The following NDRG1 variants were observed in gnomAD, a reference collection of about 807,000 sequenced individuals.
The protein encoded by NDRG1 is N-myc downstream regulated 1.
Under a neutral mutation model 56.9 loss-of-function variants are expected in NDRG1, and 32 were observed. That is an observed-to-expected ratio of 0.56 (90% confidence interval 0.42 to 0.76). The LOEUF is 0.76. Ranked by LOEUF, NDRG1 falls within the 30% of genes least tolerant of loss-of-function variation. The probability of loss-of-function intolerance (pLI) is 0.00; values close to 1 mark genes in which losing one functional copy is unlikely to be tolerated. For synonymous variants in NDRG1, 211 were observed against 204.1 expected (o/e 1.03, Z -0.29); for missense variants, 507 against 545.7 (o/e 0.93, Z 0.71).
rs183016231 is a variant in NDRG1 at position 133,292,215 on chromosome 8, C to T, written c.-19+4919G>A. Among the ~76,000 whole-genome samples the T allele has an allele frequency of 9.9e-5, 15 of 152,260 alleles. No individual in the cohort carries two copies. In the East Asian group the frequency reaches 2.3e-3, roughly 24 times the overall value. ...AGATAATTTGTGGAAATCACACAAA[C>T]GGAGCCAGTGTTAGCAGAGGACGAG... On this transcript the variant is annotated intron_variant, in intron 1 of 15. Transcript: ENST00000323851.
At chr8:133,283,576 A>G (rs1194554081) in intron 2 of NDRG1, among the ~76,000 whole-genome samples, 2 of 152,256 alleles carry the variant, frequency 1.3e-5, no homozygotes, top group Admixed American at 6.5e-5. Flanking sequence ...AGATAATAAT[A>G]GCAAGTGAAA....
chr8:133,287,968 C>T (rs1426101016), intron 1 of NDRG1, among the ~76,000 whole-genome samples: 2 of 152,178 alleles, frequency 1.3e-5, no homozygotes, highest in East Asian at 3.9e-4. Flanking sequence ...CACACACTCT[C>T]AAATGCACTC....
intron 3 of NDRG1, among the ~76,000 whole-genome samples, chr8:133,269,286 CA>C (rs2130757981): frequency 6.6e-6 from 1 of 152,296 alleles, no homozygotes; most frequent in South Asian, 2.1e-4. Context: ...CCAGCTCTTC[CA>C]CAGTTCAGGA....
chr8:133,253,007 G>T (rs552793538), intron 9 of NDRG1, among the ~76,000 whole-genome samples: 1 of 152,356 alleles, frequency 6.6e-6, no homozygotes, highest in East Asian at 1.9e-4. Context: ...GGACTCATGG[G>T]AGTGTCAGAT....
Position 133,238,968 on chromosome 8 carries a change from G to A in NDRG1, c.1095C>T (p.His365=), listed in dbSNP as rs1278753145. ...TGTCCAGGTGGGCCCCCTCGCTGGT[G>A]TGCGAGCGGCTGCGGGTGCCCTCGC... ...HTSEGTRSRS[H]TSEGAHLDIT... is the part of the protein sequence containing the mutation. Residue 365 remains histidine, a synonymous_variant, in exon 16 of 16, where the codon CAC becomes CAT. Coordinates refer to ENST00000323851, the MANE Select transcript of NDRG1 (RefSeq NM_006096.4). 3.8e-6 allele frequency: 6 copies of A among 1,587,774 alleles called. No individual in the cohort carries two copies. Among genetic ancestry groups the A allele is most frequent in the East Asian group, 2.3e-5 (1 of 43,948 alleles).
intron 4 of NDRG1, among the ~76,000 whole-genome samples, chr8:133,263,917 G>GA (rs35761411): frequency 0.53 from 56,958 of 107,838 alleles, 12,514 homozygotes; most frequent in African/African-American, 0.62. Context: ...TTCTGTCTCA[G>GA]AAAAAAAAAA....
intron 3 of NDRG1, among the ~76,000 whole-genome samples, chr8:133,266,336 G>A (rs1856918470): frequency 6.6e-6 from 1 of 152,258 alleles, no homozygotes; most frequent in African/African-American, 2.4e-5. Flanking sequence ...CACTCTAAAT[G>A]CTGTTGAACC....
intron 3 of NDRG1, among the ~76,000 whole-genome samples, chr8:133,278,496 G>C (rs1412471974): frequency 6.6e-6 from 1 of 152,108 alleles, no homozygotes; most frequent in Non-Finnish European, 1.5e-5. Context: ...AGAGAGGAAC[G>C]GGATGGAGCT....
At chr8:133,257,063 G>A (rs1195334265) in intron 7 of NDRG1, among the ~76,000 whole-genome samples, 200 bp from the exon 8 acceptor site, 1 of 152,194 alleles carries the variant, frequency 6.6e-6, no homozygotes. Flanking sequence ...TAGAGAGAGT[G>A]GGAAGGAGAA....
In NDRG1 at chr8:133,259,206, C is replaced by A; in HGVS notation, c.351G>T (p.Gln117His). ...GGACTCCAGGAAGCATTTCAGCCAG[C>A]TGATCCATGGAGGGGTACATGTACC... ...PAGYMYPSMD[Q>H]LAEMLPGVLQ... Residue 117 changes from glutamine to histidine, a missense_variant, in exon 6 of 16, where the codon CAG (glutamine) becomes CAT (histidine). Gln to His is a conservative substitution (Grantham distance 24). Transcript: ENST00000323851. The A allele has an allele frequency of 6.2e-7, 1 of 1,614,216 alleles. No homozygotes were observed. The highest frequency in any genetic ancestry group is 1.3e-5 in the African/African-American group (1 of 75,064).
intron 3 of NDRG1, 38 bp downstream of exon 3, chr8:133,280,194 G>A (rs1237938507): frequency 6.2e-7 from 1 of 1,610,402 alleles, no homozygotes; most frequent in South Asian, 1.1e-5. Context: ...GAGAAGACGG[G>A]ATGAGGAAGG....
chr8:133,282,705 C>T (rs1857880914), intron 2 of NDRG1, among the ~76,000 whole-genome samples: 1 of 152,234 alleles, frequency 6.6e-6, no homozygotes, highest in African/African-American at 2.4e-5. Context: ...ACATTAAGTA[C>T]ATTCACTTGT....
rs187712049 is a variant in NDRG1, at chr8:133,273,855, T to C, written c.99+6377A>G. 8.4e-4 allele frequency among the ~76,000 whole-genome samples: 128 copies of C among 152,262 alleles called. 1 individual carries two copies. The highest frequency in any genetic ancestry group is 3.0e-3 in the African/African-American group (126 of 41,558). ...CAACTGGAGCAGAAGTCTTGGACTC[T>C]AGAATTCTAGCCAAAGAAAATAAGC... On this transcript the variant is annotated intron_variant, in intron 3 of 15. Transcript: ENST00000323851.
At chr8:133,254,689 T>C (rs1856273386) in intron 8 of NDRG1, 94 bp from the exon 9 acceptor site, 8 of 1,252,670 alleles carry the variant, frequency 6.4e-6, no homozygotes, top group Middle Eastern at 1.9e-4. Flanking sequence ...CAGGGTGGCA[T>C]TGCTGGACTC....
At chr8:133,294,293 T>C (rs1858607780) in intron 1 of NDRG1, among the ~76,000 whole-genome samples, 1 of 152,170 alleles carries the variant, frequency 6.6e-6, no homozygotes, top group Admixed American at 6.5e-5. Flanking sequence ...CTCAGTTGCC[T>C]CATCCATTCA....
chr8:133,284,731 GGA>G (rs1464440527), intron 1 of NDRG1: 1 of 460,666 alleles, frequency 2.2e-6, no homozygotes, highest in Non-Finnish European at 4.3e-6. Context: ...CAATGAAAGG[GGA>G]ACACAAGCTC....
intron 3 of NDRG1, among the ~76,000 whole-genome samples, chr8:133,275,395 C>T (rs1315497904): frequency 2.0e-5 from 3 of 152,222 alleles, no homozygotes; most frequent in Non-Finnish European, 4.4e-5. Flanking sequence ...CTGTTAACAG[C>T]TTACAGGAAT....
chr8:133,241,963 G>C (rs1211337269), intron 15 of NDRG1, 60 bp downstream of exon 15: 5 of 1,592,596 alleles, frequency 3.1e-6, no homozygotes, highest in Admixed American at 1.7e-5. Flanking sequence ...GCTCAGGACA[G>C]AGCACTTCCA....
At position 133,254,520 on chromosome 8, in the gene NDRG1, G is replaced by T. The variant is rs762811977; in HGVS notation, c.594+19C>A. 6.2e-7 allele frequency: 1 copy of T among 1,613,910 alleles called. No homozygotes were observed. The highest frequency in any genetic ancestry group is 1.1e-5 in the South Asian group (1 of 91,022). Reference sequence around the variant, plus strand: ...CTTGCTCAGCAGGAACAACAGATTTGCCAGACCACGCAACTCACCTTCCCA... The same window carrying T: ...CTTGCTCAGCAGGAACAACAGATTTTCCAGACCACGCAACTCACCTTCCCA... On this transcript the variant is annotated intron_variant, in intron 9 of 15. Transcript: ENST00000323851.
Sources: gnomAD v4.1 joint callset for allele counts (sites outside exome capture counted in the v4.1 genomes callset) on GRCh38, gnomAD v4.1.1 for gene constraint, MANE v1.5 for transcripts, NCBI Gene and HGNC (gene_info 2026-07-23, HGNC 2026-07-21) for gene names.